The following ZNF100 variants were observed in gnomAD, a reference collection of about 807,000 sequenced individuals.
ZNF100 encodes the protein zinc finger protein 100 (Y1).
Under a neutral mutation model 15.8 loss-of-function variants are expected in ZNF100, and 12 were observed. The ratio of observed to expected loss-of-function variants is 0.76; its 90% CI spans 0.49 to 1.23. The LOEUF (loss-of-function observed/expected upper bound fraction) is 1.23. Among genes scored for constraint, ZNF100 ranks in the 50% most tolerant of loss-of-function variants. ZNF100 has a pLI of 0.00. For synonymous variants in ZNF100, 226 were observed against 214.8 expected, an observed-to-expected ratio of 1.05 and a Z score of -0.45; for missense variants, 670 against 635.6, an observed-to-expected ratio of 1.05 and a Z score of -0.58.
intron 2 of ZNF100, among the ~76,000 whole-genome samples, chr19:21,747,601 C>T (rs1235666064): frequency 6.6e-6 from 1 of 152,174 alleles, no homozygotes; most frequent in African/African-American, 2.4e-5. Flanking sequence ...GCAGGCACCG[C>T]ACAGAGTCCC....
At chr19:21,728,103 C>T (rs1233575509) in intron 4 of ZNF100, 114 bp from the exon 5 acceptor site, 1 of 1,020,652 alleles carries the variant, frequency 9.8e-7, no homozygotes, top group Non-Finnish European at 1.3e-6. Flanking sequence ...ATACCAAAGG[C>T]CCTCATTCCT....
At position 21,725,998 on chromosome 19, in the gene ZNF100, ACAGT is replaced by A. The variant is rs1278788185; in HGVS notation, c.*681_*684del. 8.0e-5 allele frequency: 1 copy of A among 12,530 alleles called. No homozygotes were observed. 0.8% of individuals were successfully genotyped at this position (12,530 alleles called of 1,614,324 possible). ...ATTTTTCCAACTTTATTACATTCGC[ACAGT>A]TTTTTTCAATATAAATTCCCTGATA... On this transcript the variant is annotated 3_prime_UTR_variant, in exon 5 of 5. Transcript: ENST00000358296.
In ZNF100 at chr19:21,724,910, G is replaced by C. The variant is rs1164345700; in HGVS notation, c.*1773C>G. On this transcript the variant is annotated 3_prime_UTR_variant, in exon 5 of 5. Transcript: ENST00000358296. ...CTACTAAAATACAAAAATTAGCTGG[G>C]CATGGTGGTGGGTGCCTGTAATCCC... is the stretch of plus-strand genomic sequence containing the variant. 1 of 152,106 alleles carries C rather than the reference G, an allele frequency of 6.6e-6. No individual in the cohort carries two copies. Among genetic ancestry groups the C allele is most frequent in the Non-Finnish European group, 1.5e-5 (1 of 68,036 alleles). The allele number at this position is 152,106 out of a possible 1,614,324, so 9.4% of individuals were successfully genotyped here.
intron 4 of ZNF100, among the ~76,000 whole-genome samples, chr19:21,737,300 T>C (rs2036025006): frequency 6.6e-6 from 1 of 151,628 alleles, no homozygotes; most frequent in Admixed American, 6.6e-5. Flanking sequence ...GTGAAGTGGG[T>C]GGATCACCTG....
intron 2 of ZNF100, chr19:21,752,488 T>C (rs1404748010): frequency 2.0e-5 from 3 of 152,646 alleles, no homozygotes; most frequent in East Asian, 1.9e-4. Context: ...AAAAAGCTGA[T>C]GGATAACATT....
chr19:21,730,906 T>C (rs1442976625), intron 4 of ZNF100, among the ~76,000 whole-genome samples: 4 of 152,170 alleles, frequency 2.6e-5, no homozygotes, highest in Non-Finnish European at 4.4e-5. Context: ...TGTTCAAAGA[T>C]AGAAATAATA....
chr19:21,763,610 AT>A (rs1482801060), intron 2 of ZNF100, among the ~76,000 whole-genome samples: 1 of 152,080 alleles, frequency 6.6e-6, no homozygotes, highest in African/African-American at 2.4e-5. Flanking sequence ...AATCAGCTAA[AT>A]TTGTCTTCAG....
intron 2 of ZNF100, among the ~76,000 whole-genome samples, chr19:21,749,722 C>T (rs1378855453): frequency 6.6e-6 from 1 of 152,186 alleles, no homozygotes; most frequent in East Asian, 1.9e-4. Flanking sequence ...TACCTGGAGT[C>T]TCTCACATAA....
rs1555702218 is a variant in ZNF100 at position 21,727,062 on chromosome 19, G to A, written c.1250C>T (p.Thr417Ile). ...GKGFNWSSALTKHKRIHTGEK... is the reference protein window; with the variant it reads ...GKGFNWSSALIKHKRIHTGEK... ...TCCAGTATGAATTCTCTTATGTTTA[G>A]TGAGGGCTGAGGACCAGTTAAAGCC... The change falls in exon 5 of 5, where the codon ACT (threonine) becomes ATT (isoleucine). Residue 417 changes from threonine to isoleucine, a missense_variant. Physicochemically the swap from Thr to Ile is moderately conservative, Grantham distance 89 (BLOSUM62 -1). Coordinates refer to ENST00000358296, the MANE Select transcript of ZNF100 (RefSeq NM_173531.4). 24 of 1,613,538 alleles carry A rather than the reference G, an allele frequency of 1.5e-5. No individual in the cohort carries two copies. In the South Asian group the frequency reaches 2.4e-4, roughly 16 times the overall value.
intron 2 of ZNF100, among the ~76,000 whole-genome samples, chr19:21,757,664 T>C (rs1262944745): frequency 6.6e-6 from 1 of 152,228 alleles, no homozygotes; most frequent in African/African-American, 2.4e-5. Flanking sequence ...TGCACATGCA[T>C]GTTCATTTCA....
chr19:21,755,204 G>A (rs1459704091), intron 2 of ZNF100, among the ~76,000 whole-genome samples: 1 of 152,072 alleles, frequency 6.6e-6, no homozygotes, highest in Non-Finnish European at 1.5e-5. Flanking sequence ...CTACTCGGGA[G>A]GCTAAGGCAG....
At chr19:21,746,206 T>C (rs990988080) in intron 2 of ZNF100, among the ~76,000 whole-genome samples, 3 of 152,230 alleles carry the variant, frequency 2.0e-5, no homozygotes, top group Non-Finnish European at 4.4e-5. Context: ...TGCCTAGATA[T>C]TGCCCCTCCA....
At chr19:21,741,383 T>C (rs1001666205) in intron 4 of ZNF100, among the ~76,000 whole-genome samples, 21 of 151,774 alleles carry the variant, frequency 1.4e-4, no homozygotes, top group African/African-American at 4.8e-4. Flanking sequence ...TTATTATTAT[T>C]ATTTTTTTTG....
chr19:21,767,379 A>C lies in ZNF100; in HGVS notation c.3+48T>G, dbSNP rs548412031. 3 of 1,609,988 alleles carry C rather than the reference A, an allele frequency of 1.9e-6. No homozygotes were observed. The South Asian group carries it at 3.3e-5, about 18-fold the overall frequency. On this transcript the variant is annotated intron_variant, in intron 1 of 4. Coordinates refer to ENST00000358296, the MANE Select transcript of ZNF100 (RefSeq NM_173531.4). ...GCCACAGCTACTTCCCACCAGTTCC[A>C]ACCAGCCCTTTCGCCGTCTCTCGGG...
chr19:21,739,298 A>G (rs1470311554), intron 4 of ZNF100, among the ~76,000 whole-genome samples: 7 of 152,238 alleles, frequency 4.6e-5, no homozygotes, highest in Non-Finnish European at 7.3e-5. Flanking sequence ...GCTGATACGC[A>G]TAATTTCAAC....
At chr19:21,735,500 C>CAAAAA (rs35742501) in intron 4 of ZNF100, among the ~76,000 whole-genome samples, 2 of 82,222 alleles carry the variant, frequency 2.4e-5, no homozygotes, top group Non-Finnish European at 4.7e-5. Context: ...GACTCTGTCT[C>CAAAAA]AAAAAAAAAA....
intron 3 of ZNF100, 34 bp from the exon 4 acceptor site, chr19:21,744,149 A>G (rs762109434): frequency 1.3e-6 from 2 of 1,556,778 alleles, no homozygotes; most frequent in Admixed American, 1.8e-5. Flanking sequence ...AATCTTTCTC[A>G]TATTCTCCAA....
rs762415292 is a variant in ZNF100 at position 21,726,825 on chromosome 19, C to T, written c.1487G>A (p.Arg496Gln). 11 of 1,612,770 alleles carry T rather than the reference C, an allele frequency of 6.8e-6. No individual in the cohort carries two copies. The highest frequency in any genetic ancestry group is 4.5e-5 in the East Asian group (2 of 44,750). The change falls in exon 5 of 5, where the codon CGA becomes CAA. Residue 496 changes from arginine to glutamine, a missense_variant. By Grantham distance (43) the Arg-to-Gln change is conservative. Transcript: ENST00000358296. Reference protein sequence around the residue: ...KCEECGKAFNRSSTLTKHKIT... With the variant: ...KCEECGKAFNQSSTLTKHKIT... The stretch of plus-strand genomic sequence containing the variant: ...CTTATGTTTAGTAAGGGTTGAGGAT[C>T]GGTTAAAAGCTTTGCCACATTCCTC...
At chr19:21,743,925 C>A (rs2145716818) in intron 4 of ZNF100, 92 bp downstream of exon 4, 5 of 1,150,486 alleles carry the variant, frequency 4.3e-6, no homozygotes, top group East Asian at 3.6e-5. Context: ...TCCTTTGGAA[C>A]ATAGCTTCCC....
Sources: allele counts gnomAD v4.1 joint callset (sites outside exome capture counted in the v4.1 genomes callset), GRCh38; gene constraint gnomAD v4.1.1; transcripts MANE v1.5; gene names NCBI Gene and HGNC (gene_info 2026-07-23, HGNC 2026-07-21).